The following STXBP4 variants were observed in gnomAD, a reference collection of about 807,000 sequenced individuals.
The protein encoded by STXBP4 is syntaxin binding protein 4, also known as syntaxin-binding protein 4.
A neutral mutation model predicts 76.1 loss-of-function variants in STXBP4; 55 were observed. The observed-to-expected ratio is 0.72, with a 90% CI of 0.58 to 0.91. The LOEUF is 0.91. Ranked by LOEUF, STXBP4 falls within the 40% of genes least tolerant of loss-of-function variation. STXBP4 has a pLI of 0.00. For missense variants in STXBP4, 618 were observed against 636.9 expected, an observed-to-expected ratio of 0.97 and a Z score of 0.32; for synonymous variants, 201 against 220.2, an observed-to-expected ratio of 0.91 and a Z score of 0.77.
intron 12 of STXBP4, among the ~76,000 whole-genome samples, chr17:55,057,586 C>T (rs993453087): frequency 2.6e-5 from 4 of 152,112 alleles, no homozygotes; most frequent in Non-Finnish European, 5.9e-5. Context: ...ATGTGCAGAA[C>T]GTGCAGGTTT....
At chr17:54,983,812 T>C (rs16955479) in intron 1 of STXBP4, among the ~76,000 whole-genome samples, 3,224 of 152,242 alleles carry the variant, frequency 0.021, 125 homozygotes, top group African/African-American at 0.074. Context: ...TTATGCAAAC[T>C]TAGTTTTAGA....
intron 16 of STXBP4, among the ~76,000 whole-genome samples, chr17:55,098,676 C>T (rs11654577): frequency 0.017 from 2,532 of 152,246 alleles, 27 homozygotes; most frequent in Non-Finnish European, 0.027. Context: ...TTCATTCTGT[C>T]GTTAAGCCCT....
chr17:55,141,344 A>T lies in STXBP4; in HGVS notation c.1524A>T (p.Ala508=). The change falls in exon 17 of 18, where the codon GCA becomes GCT. Residue 508 remains alanine, a synonymous_variant. Transcript: ENST00000376352. The part of the protein sequence containing the change: ...LPYGWEEAYT[A]DGIKYFINHV... ...ATGGGTGGGAGGAAGCTTACACAGC[A>T]GATGGAATCAAGTACTTCATCAAGT... 6.2e-7 allele frequency: 1 copy of T among 1,612,376 alleles called. No individual in the cohort carries two copies. Among genetic ancestry groups the T allele is most frequent in the Non-Finnish European group, 8.5e-7 (1 of 1,179,056 alleles).
chr17:55,151,231 T>A (rs1167443675), intron 17 of STXBP4, among the ~76,000 whole-genome samples: 1 of 151,956 alleles, frequency 6.6e-6, no homozygotes, highest in African/African-American at 2.4e-5. Context: ...TTACAGGGAG[T>A]TAGAAGTAGA....
At chr17:55,195,196 C>T in the STXBP4 span, among the ~76,000 whole-genome samples, 36 of 152,244 alleles carry the variant, frequency 2.4e-4, no homozygotes, top group East Asian at 1.5e-3. Context: ...TACCATCCAC[C>T]GGGCAAATTA....
At chr17:55,077,213 G>A (rs542140871) in intron 13 of STXBP4, among the ~76,000 whole-genome samples, 52 of 152,156 alleles carry the variant, frequency 3.4e-4, no homozygotes, top group Admixed American at 5.9e-4. Flanking sequence ...GTGTCTGTGA[G>A]ATCATGTTCT....
At chr17:55,134,981 G>A (rs1317486249) in intron 16 of STXBP4, among the ~76,000 whole-genome samples, 2 of 152,114 alleles carry the variant, frequency 1.3e-5, no homozygotes, top group Non-Finnish European at 2.9e-5. Context: ...TTAAATGTCT[G>A]TACATCAGAG....
chr17:54,971,662 A>C (rs1184171692), intron 1 of STXBP4, among the ~76,000 whole-genome samples: 1 of 152,206 alleles, frequency 6.6e-6, no homozygotes, highest in Non-Finnish European at 1.5e-5. Flanking sequence ...CATTTGTCCC[A>C]ATCATTTCCA....
intron 12 of STXBP4, among the ~76,000 whole-genome samples, chr17:55,058,222 CCTGA>C (rs1213408787): frequency 6.6e-6 from 1 of 152,174 alleles, no homozygotes; most frequent in Non-Finnish European, 1.5e-5. Flanking sequence ...ATCTGTGTTT[CCTGA>C]CTTTTTCATG....
chr17:55,108,501 C>G (rs1014319959), intron 16 of STXBP4, among the ~76,000 whole-genome samples: 8 of 152,158 alleles, frequency 5.3e-5, no homozygotes, highest in Non-Finnish European at 1.0e-4. Context: ...CAAATGGCTG[C>G]CCAGTTTTGT....
intron 16 of STXBP4, among the ~76,000 whole-genome samples, chr17:55,105,113 T>G (rs1225629088): frequency 1.3e-5 from 2 of 152,166 alleles, no homozygotes; most frequent in African/African-American, 4.8e-5. Context: ...TTTTCGTGTC[T>G]CTATCTCCTT....
At chr17:55,026,394 G>T (rs1487176292) in intron 8 of STXBP4, among the ~76,000 whole-genome samples, 1 of 152,052 alleles carries the variant, frequency 6.6e-6, no homozygotes, top group East Asian at 1.9e-4. Flanking sequence ...TGTCCTCCTT[G>T]GAAAGACAAA....
chr17:55,038,105 A>G (rs564965481), intron 10 of STXBP4, among the ~76,000 whole-genome samples: 1 of 152,084 alleles, frequency 6.6e-6, no homozygotes, highest in Non-Finnish European at 1.5e-5. Flanking sequence ...TTAGGCATGT[A>G]TGTCTTTTAT....
chr17:55,100,888 G>T (rs1437922216), intron 16 of STXBP4, among the ~76,000 whole-genome samples: 2 of 152,128 alleles, frequency 1.3e-5, no homozygotes, highest in Non-Finnish European at 2.9e-5. Flanking sequence ...TCAAAGACAT[G>T]AGCTGCTATG....
the STXBP4 span, among the ~76,000 whole-genome samples, chr17:55,200,017 C>A: frequency 6.6e-6 from 1 of 152,248 alleles, no homozygotes; most frequent in Admixed American, 6.5e-5. Flanking sequence ...CTAGCCCCAC[C>A]TTCCCTCCTG....
rs79887227 is a variant in STXBP4 at position 55,129,388 on chromosome 17, A to G, written c.1490-11922A>G. On this transcript the variant is annotated intron_variant, in intron 16 of 17. Transcript: ENST00000376352. ...ACTATTTTTTTAATGTTCCAGGTTTATTGGGAGAAAATGTTTATAATCCCA... is the reference window on the plus strand; with the variant it reads ...ACTATTTTTTTAATGTTCCAGGTTTGTTGGGAGAAAATGTTTATAATCCCA... 2.5e-3 allele frequency among the ~76,000 whole-genome samples: 380 copies of G among 152,106 alleles called. 3 individuals are homozygous for G. Among genetic ancestry groups the G allele is most frequent in the African/African-American group, 8.7e-3 (362 of 41,498 alleles).
At chr17:55,052,948 TGTGG>T (rs1194033779) in intron 12 of STXBP4, among the ~76,000 whole-genome samples, 177 of 132,658 alleles carry the variant, frequency 1.3e-3, no homozygotes, top group Non-Finnish European at 2.4e-3. Context: ...TGTGTGTGTG[TGTGG>T]GTTGTATTCT....
intron 15 of STXBP4, among the ~76,000 whole-genome samples, chr17:55,079,843 G>A (rs1320426711): frequency 1.3e-5 from 2 of 152,022 alleles, no homozygotes; most frequent in African/African-American, 4.8e-5. Flanking sequence ...GATATTTTTG[G>A]TGTCCACATA....
intron 16 of STXBP4, among the ~76,000 whole-genome samples, chr17:55,098,500 G>A (rs2079522885): frequency 6.6e-6 from 1 of 152,122 alleles, no homozygotes; most frequent in African/African-American, 2.4e-5. Context: ...CCATAAACTA[G>A]ATATTCACAG....
Sources: gnomAD v4.1 joint callset for allele counts (sites outside exome capture counted in the v4.1 genomes callset) on GRCh38, gnomAD v4.1.1 for gene constraint, MANE v1.5 for transcripts, NCBI Gene and HGNC (gene_info 2026-07-23, HGNC 2026-07-21) for gene names.